Variants in ACACB observed in about 807,000 individuals in gnomAD.
ACACB encodes acetyl-CoA carboxylase 2.
In ACACB, 209 loss-of-function variants were observed where a neutral mutation model predicts 278.8. That is an observed-to-expected ratio of 0.75 (90% CI 0.67 to 0.84). The LOEUF (loss-of-function observed/expected upper bound fraction) is 0.84, where lower values mean the gene tolerates loss of function less well. Among genes scored for constraint, ACACB ranks in the 40% least tolerant of loss-of-function variants. The pLI, the probability that ACACB is intolerant of heterozygous loss-of-function variation, is 0.00. For missense variants in ACACB, 2,850 were observed against 3,269.0 expected (o/e 0.87, Z 3.13); for synonymous variants, 1,174 against 1,285.6 (o/e 0.91, Z 1.86).
intron 2 of ACACB, among the ~76,000 whole-genome samples, chr12:109,159,613 C>T (rs1407404759): frequency 6.6e-6 from 1 of 152,168 alleles, no homozygotes; most frequent in Non-Finnish European, 1.5e-5. Context: ...ACCAGAGTTT[C>T]TAAACTGCGG....
intron 1 of ACACB, among the ~76,000 whole-genome samples, chr12:109,117,316 C>T (rs1375359153): frequency 1.4e-5 from 2 of 146,374 alleles, no homozygotes; most frequent in African/African-American, 2.5e-5. Flanking sequence ...GCTAAAATTG[C>T]GCCACTGCAT....
intron 15 of ACACB, among the ~76,000 whole-genome samples, chr12:109,192,489 C>T (rs1163709098): frequency 6.6e-6 from 1 of 152,064 alleles, no homozygotes; most frequent in African/African-American, 2.4e-5. Context: ...CATTCCTGGC[C>T]TCTACCCACT....
At chr12:109,236,122 G>A (rs142434562) in intron 33 of ACACB, 327 of 156,770 alleles carry the variant, frequency 2.1e-3, no homozygotes, top group African/African-American at 6.9e-3. Flanking sequence ...ACATGCCACC[G>A]TGCCTCCCAG....
rs765582158 is a variant in ACACB at position 109,237,326 on chromosome 12, G to A, written c.4608G>A (p.Thr1536=). Reference sequence around the variant, plus strand: ...AGGTGAAGGAAGGTGTGGAAGTGACGGACCATAGGTTCTTCATCCGCGCCA... The same window carrying A: ...AGGTGAAGGAAGGTGTGGAAGTGACAGACCATAGGTTCTTCATCCGCGCCA... ...AAKVKEGVEV[T]DHRFFIRAII... The change falls in exon 34 of 53, where the codon ACG becomes ACA. Residue 1536 remains threonine, a synonymous_variant. Transcript: ENST00000338432. 11 of 1,614,014 alleles carry A rather than the reference G, an allele frequency of 6.8e-6. No individual in the cohort carries two copies. The highest frequency in any genetic ancestry group is 2.2e-5 in the East Asian group (1 of 44,890).
chr12:109,257,146 C>T (rs951992529), intron 45 of ACACB, among the ~76,000 whole-genome samples: 12 of 152,168 alleles, frequency 7.9e-5, no homozygotes, highest in Middle Eastern at 3.4e-3. Flanking sequence ...TGGTGGCAGG[C>T]ACCTGTAATC....
At chr12:109,134,152 C>T (rs1487805655) in intron 1 of ACACB, among the ~76,000 whole-genome samples, 1 of 152,066 alleles carries the variant, frequency 6.6e-6, no homozygotes, top group Non-Finnish European at 1.5e-5. Flanking sequence ...AAATGAATGA[C>T]ACTTGGTCTA....
chr12:109,127,345 A>C (rs2042705033), intron 1 of ACACB, among the ~76,000 whole-genome samples: 2 of 151,958 alleles, frequency 1.3e-5, no homozygotes, highest in Non-Finnish European at 2.9e-5. Flanking sequence ...TATTGGTATT[A>C]TTAATTATTA....
intron 16 of ACACB, 36 bp downstream of exon 16, chr12:109,193,765 C>T: frequency 1.3e-6 from 2 of 1,540,968 alleles, no homozygotes; most frequent in Non-Finnish European, 1.8e-6. Flanking sequence ...GTCTCCAACA[C>T]TCTGCAAGCT....
intron 48 of ACACB, 68 bp from the exon 49 acceptor site, chr12:109,262,289 A>T: frequency 7.9e-7 from 1 of 1,267,468 alleles, no homozygotes; most frequent in East Asian, 2.3e-5. Context: ...AGCTCCCCCC[A>T]CATCCATTAG....
intron 24 of ACACB, among the ~76,000 whole-genome samples, chr12:109,217,197 G>A (rs1199903228): frequency 3.3e-5 from 5 of 152,158 alleles, no homozygotes; most frequent in South Asian, 2.1e-4. Flanking sequence ...CAGAAGGATC[G>A]CTTGAACCCT....
In ACACB at chr12:109,140,562, C is replaced by T. The variant is rs559936549; in HGVS notation, c.653+504C>T. On this transcript the variant is annotated intron_variant, in intron 2 of 52. Coordinates refer to ENST00000338432, the MANE Select transcript of ACACB (RefSeq NM_001093.4). ...ATCCCAGCTGCTTGGAAGGCTGAGG[C>T]GGGAGAATCTCTTGAACCCAGGAAG... Among the ~76,000 whole-genome samples the T allele has an allele frequency of 7.2e-5, 11 of 152,220 alleles. No homozygotes were observed. In the South Asian group the frequency reaches 1.9e-3, roughly 26 times the overall value.
chr12:109,233,255 A>C (rs2046530764), intron 29 of ACACB, among the ~76,000 whole-genome samples: 1 of 152,240 alleles, frequency 6.6e-6, no homozygotes, highest in South Asian at 2.1e-4. Flanking sequence ...TATGCAGATA[A>C]TATAGTGACT....
chr12:109,137,658 T>C (rs1187203780), intron 1 of ACACB, among the ~76,000 whole-genome samples: 1 of 148,242 alleles, frequency 6.7e-6, no homozygotes, highest in South Asian at 2.1e-4. Context: ...AGATTCTGAC[T>C]CAAAAAAAAA....
chr12:109,211,660 G>A (rs752622940), intron 21 of ACACB, among the ~76,000 whole-genome samples: 11 of 152,148 alleles, frequency 7.2e-5, no homozygotes, highest in Admixed American at 1.3e-4. Context: ...GAGAGTGAGC[G>A]CTAATGACTA....
At chr12:109,155,874 C>T (rs959375497) in intron 2 of ACACB, among the ~76,000 whole-genome samples, 98 of 152,256 alleles carry the variant, frequency 6.4e-4, no homozygotes, top group African/African-American at 2.3e-3. Context: ...GCCTGCTCAT[C>T]GATTTATGAT....
intron 2 of ACACB, among the ~76,000 whole-genome samples, chr12:109,161,739 A>G (rs36041654): frequency 0.55 from 82,475 of 148,866 alleles, 23,107 homozygotes; most frequent in Middle Eastern, 0.69. Context: ...TTTTGTGTGT[A>G]TGTGTGTGTG....
Position 109,247,663 on chromosome 12 carries a change from T to A in ACACB, c.5629T>A (p.Ser1877Thr). The change falls in exon 40 of 53, where the codon TCC becomes ACC. Residue 1877 changes from serine to threonine, a missense_variant. Physicochemically the swap from Ser to Thr is moderately conservative, Grantham distance 58. This residue lies in a region of ACACB where 2,265 missense variants were observed against 2,561.3 expected (regional missense o/e 0.88). Transcript: ENST00000338432. The stretch of plus-strand genomic sequence containing the variant: ...CTACACCAGAATCAGCTCCCTGAAC[T>A]CCGTCCACTGTAAACACATCGAGGA... ...QDYTRISSLN[S>T]VHCKHIEEGG... 1 of 1,613,926 alleles carries A rather than the reference T, an allele frequency of 6.2e-7. No individual in the cohort carries two copies. The highest frequency in any genetic ancestry group is 8.5e-7 in the Non-Finnish European group (1 of 1,179,958).
rs1250473533 is a variant in ACACB, at chr12:109,188,174, C to T, written c.2144+12C>T. On this transcript the variant is annotated intron_variant, in intron 13 of 52. Transcript: ENST00000338432. ...GAAGAGGCCATTTCGTCAGTATCTC[C>T]TTCCTTCCTTCCTTCCTTCCTTCCT... 1.4e-4 allele frequency: 6 copies of T among 42,244 alleles called. No homozygotes were observed. Among genetic ancestry groups the T allele is most frequent in the African/African-American group, 5.4e-4 (1 of 1,858 alleles). 2.6% of individuals were successfully genotyped at this position (42,244 alleles called of 1,614,324 possible). A position where few individuals can be genotyped will look rare whatever the true frequency, so the allele number is the denominator to read the frequency against.
At chr12:109,245,078 G>A (rs1286116481) in intron 37 of ACACB, among the ~76,000 whole-genome samples, 9 of 148,744 alleles carry the variant, frequency 6.1e-5, no homozygotes, top group South Asian at 2.4e-4. Flanking sequence ...GCCTCAACCC[G>A]GGAGGTTGAG....
Sources: gnomAD v4.1 joint callset for allele counts (sites outside exome capture counted in the v4.1 genomes callset) on GRCh38, gnomAD v4.1.1 for gene constraint, gnomAD v4.1.1 regional missense constraint, MANE v1.5 for transcripts, NCBI Gene and HGNC (gene_info 2026-07-23, HGNC 2026-07-21) for gene names.